POFUT2: variants seen among roughly 807,000 people sequenced by gnomAD.
The protein encoded by POFUT2 is GDP-fucose protein O-fucosyltransferase 2.
Under a neutral mutation model 55.0 loss-of-function variants are expected in POFUT2, and 30 were observed. The observed-to-expected ratio is 0.55, with a 90% CI of 0.41 to 0.74. The LOEUF (loss-of-function observed/expected upper bound fraction) is 0.74, where lower values mean the gene tolerates loss of function less well. Ranked by LOEUF, POFUT2 falls within the 30% of genes least tolerant of loss-of-function variation. The pLI, the probability that POFUT2 is intolerant of heterozygous loss-of-function variation, is 0.00. For synonymous variants in POFUT2, 267 were observed against 231.1 expected, an observed-to-expected ratio of 1.16 and a Z score of -1.41; for missense variants, 524 against 562.6, an observed-to-expected ratio of 0.93 and a Z score of 0.69.
In POFUT2 at chr21:45,277,035, C is replaced by T. The variant is rs1291746748; in HGVS notation, c.813G>A (p.Glu271=). Residue 271 remains glutamate, a synonymous_variant, in exon 6 of 9, where the codon GAG becomes GAA. Coordinates refer to ENST00000349485, the MANE Select transcript of POFUT2 (RefSeq NM_133635.6). This position sits in a 1 kb window ranked among gnomAD's most constrained non-coding sequence, Gnocchi z 6.9. ...TDDADRIPFQ[E]DWMKMKVKLG... Reference sequence around the variant, plus strand: ...GGGCTACCTTCATCTTCATCCAGTCCTCCTGGAAGGGGATCCTGTCTGCGT... The same window carrying T: ...GGGCTACCTTCATCTTCATCCAGTCTTCCTGGAAGGGGATCCTGTCTGCGT... 37 of 1,614,024 alleles carry T rather than the reference C, an allele frequency of 2.3e-5. No homozygotes were observed. Among genetic ancestry groups the T allele is most frequent in the Non-Finnish European group, 3.1e-5 (36 of 1,179,982 alleles).
At chr21:45,266,099 A>C in intron 8 of POFUT2, 1 of 1,340,370 alleles carries the variant, frequency 7.5e-7, no homozygotes, top group Admixed American at 2.0e-5. Flanking sequence ...GGCCCCCTCC[A>C]CACACACGCT....
At chr21:45,278,737 G>A (rs2030146395) in intron 4 of POFUT2, among the ~76,000 whole-genome samples, 1 of 152,194 alleles carries the variant, frequency 6.6e-6, no homozygotes, top group Admixed American at 6.5e-5. Context: ...CTGAAGCAGC[G>A]GCTGTGAAAG....
rs2146652123 is a variant in POFUT2 at position 45,281,733 on chromosome 21, GA to G, written c.638+615del. ...CTCACAGTGCCTGCTGGGGGATTCAGAAGACCCAAGGGAGGTGACGGAGAGG... is the reference window on the plus strand; with the variant it reads ...CTCACAGTGCCTGCTGGGGGATTCAGAGACCCAAGGGAGGTGACGGAGAGG... On this transcript the variant is annotated intron_variant, in intron 4 of 8. Coordinates refer to ENST00000349485, the MANE Select transcript of POFUT2 (RefSeq NM_133635.6). The surrounding 1 kb of genome is among the most constrained non-coding windows in gnomAD (Gnocchi z 5.0). Among the ~76,000 whole-genome samples the G allele has an allele frequency of 6.6e-6, 1 of 152,166 alleles. No homozygotes were observed. Among genetic ancestry groups the G allele is most frequent in the South Asian group, 2.1e-4 (1 of 4,804 alleles).
chr21:45,267,305 A>G lies in POFUT2; in HGVS notation c.1136+285T>C, dbSNP rs2093164900. ...AGGGGCAGAAACCGGGAATGATGGGAAAATGCGACACAAGAAGAGGTTCTG... is the reference window on the plus strand; with the variant it reads ...AGGGGCAGAAACCGGGAATGATGGGGAAATGCGACACAAGAAGAGGTTCTG... On this transcript the variant is annotated intron_variant, in intron 8 of 8. Transcript: ENST00000349485. The surrounding 1 kb of genome is among the most constrained non-coding windows in gnomAD (Gnocchi z 4.4). 2.7e-6 allele frequency: 4 copies of G among 1,465,386 alleles called. No individual in the cohort carries two copies. The highest frequency in any genetic ancestry group is 3.6e-6 in the Non-Finnish European group (4 of 1,114,830). 90.8% of individuals were successfully genotyped at this position (1,465,386 alleles called of 1,614,324 possible). A position where few individuals can be genotyped will look rare whatever the true frequency, so the allele number is the denominator to read the frequency against.
Position 45,265,778 on chromosome 21 carries a change from C to G in POFUT2, c.1137-143G>C, listed in dbSNP as rs115382616. On this transcript the variant is annotated intron_variant, in intron 8 of 8. Transcript: ENST00000349485. The surrounding 1 kb of genome is among the most constrained non-coding windows in gnomAD (Gnocchi z 4.6). ...AACACGGCCGTCCCCCGAGCACCCA[C>G]CAGCCGGCCGCCCCCTTGCTGGCAC... is the stretch of plus-strand genomic sequence containing the variant. 15 of 1,434,406 alleles carry G rather than the reference C, an allele frequency of 1.0e-5. No homozygotes were observed. Among genetic ancestry groups the G allele is most frequent in the South Asian group, 2.9e-5 (2 of 68,146 alleles). The allele number at this position is 1,434,406 out of a possible 1,614,324, so 88.9% of individuals were successfully genotyped here.
chr21:45,265,878 A>C lies in POFUT2; in HGVS notation c.1137-243T>G. 7.4e-7 allele frequency: 1 copy of C among 1,357,398 alleles called. No homozygotes were observed. The highest frequency in any genetic ancestry group is 9.5e-7 in the Non-Finnish European group (1 of 1,049,632). The allele number at this position is 1,357,398 out of a possible 1,614,324, so 84.1% of individuals were successfully genotyped here. ...TGCTGCAGCCCCATCCACACCCCAC[A>C]GTCAGCAGCCGCCACGCTCCTGTCC... On this transcript the variant is annotated intron_variant, in intron 8 of 8. Coordinates refer to ENST00000349485, the MANE Select transcript of POFUT2 (RefSeq NM_133635.6). This position sits in a 1 kb window ranked among gnomAD's most constrained non-coding sequence, Gnocchi z 4.6.
rs2093269495 is a variant in POFUT2, at chr21:45,276,899, G to A, written c.831+118C>T. ...GACTCACATTCCAGAGAGGCGCCGA[G>A]GCATCCACGCCCACAGACACGCCAA... is the stretch of plus-strand genomic sequence containing the variant. On this transcript the variant is annotated intron_variant, in intron 6 of 8. Coordinates refer to ENST00000349485, the MANE Select transcript of POFUT2 (RefSeq NM_133635.6). 9.0e-6 allele frequency: 10 copies of A among 1,116,682 alleles called. No individual in the cohort carries two copies. The Admixed American group carries it at 1.4e-4, about 16-fold the overall frequency. The allele number at this position is 1,116,682 out of a possible 1,614,324, so 69.2% of individuals were successfully genotyped here.
At chr21:45,279,134 C>G (rs1053466600) in intron 4 of POFUT2, among the ~76,000 whole-genome samples, 15 of 152,224 alleles carry the variant, frequency 9.9e-5, no homozygotes, top group East Asian at 3.8e-4. Flanking sequence ...GCTCACGCCT[C>G]TAATCCCAGC....
intron 8 of POFUT2, chr21:45,266,861 T>TCC: frequency 9.9e-7 from 1 of 1,005,264 alleles, no homozygotes; most frequent in Non-Finnish European, 1.2e-6. Context: ...CCCTCTACTT[T>TCC]CATTTTCCAT....
chr21:45,282,413 A>C lies in POFUT2; in HGVS notation c.574T>G (p.Cys192Gly), dbSNP rs779748877. Residue 192 changes from cysteine (C) to glycine (G), a missense_variant, in exon 4 of 9, where the codon TGT (cysteine) becomes GGT (glycine). Transcript: ENST00000349485. This position sits in a 1 kb window ranked among gnomAD's most constrained non-coding sequence, Gnocchi z 4.6. ...YEETRGLNVSCLSVQGSASIV... is the reference protein window; with the variant it reads ...YEETRGLNVSGLSVQGSASIV... ...GAGGCTGAGCCCTGGACGGACAGAC[A>C]GGAGACGTTTAGACCCCTGGTCTCC... 2.5e-6 allele frequency: 4 copies of C among 1,613,678 alleles called. No homozygotes were observed. The highest frequency in any genetic ancestry group is 2.5e-6 in the Non-Finnish European group (3 of 1,179,860).
rs748110628 is a variant in POFUT2, at chr21:45,284,400, G to A, written c.383-873C>T. Reference sequence around the variant, plus strand: ...GTGGTGAAGATCCTGCACGCTGGGCGCTATGTCAGCCACATCAGGAGCTCA... The same window carrying A: ...GTGGTGAAGATCCTGCACGCTGGGCACTATGTCAGCCACATCAGGAGCTCA... On this transcript the variant is annotated intron_variant, in intron 2 of 8. Transcript: ENST00000349485. The surrounding 1 kb of genome is among the most constrained non-coding windows in gnomAD (Gnocchi z 5.8). Among the ~76,000 whole-genome samples, 4 of 152,170 alleles carry A rather than the reference G, an allele frequency of 2.6e-5. No homozygotes were observed. The highest frequency in any genetic ancestry group is 4.8e-5 in the African/African-American group (2 of 41,430).
chr21:45,280,533 G>A (rs1033775154), intron 4 of POFUT2, among the ~76,000 whole-genome samples: 1 of 152,184 alleles, frequency 6.6e-6, no homozygotes, highest in African/African-American at 2.4e-5. Context: ...AGCAGCCTTT[G>A]AGCCCCTGCA....
chr21:45,282,531 C>T lies in POFUT2; in HGVS notation c.528-72G>A, dbSNP rs1232445558. On this transcript the variant is annotated intron_variant, in intron 3 of 8. Coordinates refer to ENST00000349485, the MANE Select transcript of POFUT2 (RefSeq NM_133635.6). The surrounding 1 kb of genome is among the most constrained non-coding windows in gnomAD (Gnocchi z 4.6). ...ACAAGGAAAACAAATCAAGTCTAGA[C>T]ACGCACACACTGTGGCTTGCTCCTG... 4 of 852,690 alleles carry T rather than the reference C, an allele frequency of 4.7e-6. No individual in the cohort carries two copies. In the African/African-American group the frequency reaches 5.0e-5, roughly 11 times the overall value. The allele number at this position is 852,690 out of a possible 1,614,324, so 52.8% of individuals were successfully genotyped here.
At position 45,264,335 on chromosome 21, in the gene POFUT2, G is replaced by GT. The variant is rs1463044598; in HGVS notation, c.*1146dup. The GT allele has an allele frequency of 6.6e-6, 1 of 152,324 alleles. No individual in the cohort carries two copies. Among genetic ancestry groups the GT allele is most frequent in the Non-Finnish European group, 1.5e-5 (1 of 68,096 alleles). The allele number at this position is 152,324 out of a possible 1,614,324, so 9.4% of individuals were successfully genotyped here. A position where few individuals can be genotyped will look rare whatever the true frequency, so the allele number is the denominator to read the frequency against. On this transcript the variant is annotated 3_prime_UTR_variant, in exon 9 of 9. Coordinates refer to ENST00000349485, the MANE Select transcript of POFUT2 (RefSeq NM_133635.6). ...TGACTGAGGGTCACACGACACCATG[G>GT]TGGAAAGTCACAAAGGGTAACGGGC...
intron 8 of POFUT2, chr21:45,266,301 A>G: frequency 1.5e-6 from 2 of 1,365,956 alleles, no homozygotes; most frequent in South Asian, 1.1e-5. Flanking sequence ...ACAGAGCCAC[A>G]GGGCCAGCAG....
chr21:45,268,727 T>G (rs2093183245), intron 7 of POFUT2, among the ~76,000 whole-genome samples: 1 of 140,978 alleles, frequency 7.1e-6, no homozygotes, highest in African/African-American at 2.7e-5. Context: ...GTCTGAGAAG[T>G]GAGGAGCCTC....
intron 7 of POFUT2, among the ~76,000 whole-genome samples, chr21:45,268,819 T>C (rs1602157795): frequency 2.3e-5 from 3 of 128,008 alleles, no homozygotes; most frequent in Admixed American, 7.8e-5. Flanking sequence ...GGTGGGGGGG[T>C]CAGCCCTCCG....
chr21:45,276,932 G>T, intron 6 of POFUT2, 85 bp downstream of exon 6: 2 of 1,465,728 alleles, frequency 1.4e-6, no homozygotes, highest in Non-Finnish European at 1.9e-6. Flanking sequence ...CAACCCTGCT[G>T]TGACTTTACA....
At chr21:45,266,403 C>A in intron 8 of POFUT2, 1 of 1,205,910 alleles carries the variant, frequency 8.3e-7, no homozygotes, top group Non-Finnish European at 1.1e-6. Flanking sequence ...GCAGGCCGCG[C>A]CGGCCCGGAG....
Sources: allele counts gnomAD v4.1 joint callset (sites outside exome capture counted in the v4.1 genomes callset), GRCh38; gene constraint gnomAD v4.1.1; non-coding constraint Gnocchi (gnomAD v3.1); transcripts MANE v1.5; gene names NCBI Gene and HGNC (gene_info 2026-07-23, HGNC 2026-07-21).